MYT1L: variants seen among roughly 807,000 people sequenced by gnomAD.
MYT1L encodes myelin transcription factor 1-like protein.
MYT1L carries 12 observed loss-of-function variants against 126.7 expected under a neutral mutation model. The observed-to-expected ratio is 0.09, with a 90% CI of 0.06 to 0.15. MYT1L has a LOEUF of 0.15. Among genes scored for constraint, MYT1L ranks in the 10% least tolerant of loss-of-function variants. The pLI, the probability that MYT1L is intolerant of heterozygous loss-of-function variation, is 1.00. For synonymous variants in MYT1L, 541 were observed against 604.2 expected (o/e 0.90, Z 1.53); for missense variants, 979 against 1,585.2 (o/e 0.62, Z 6.49).
intron 21 of MYT1L, chr2:1,827,651 C>T (rs2039540636): frequency 6.6e-6 from 1 of 152,196 alleles, no homozygotes; most frequent in African/African-American, 2.4e-5. Flanking sequence ...AATTTGGAAT[C>T]ATCATCAGAG....
In MYT1L at chr2:2,068,784, T is replaced by G. The variant is rs1352345129; in HGVS notation, c.-303-14661A>C. ...TGTTCTTCTTGTTTTTTTTTTTTTT[T>G]TTTTTTTTTTTTTTCATATGTATAA... is the stretch of plus-strand genomic sequence containing the variant. On this transcript the variant is annotated intron_variant, in intron 3 of 24. Transcript: ENST00000647738. 9.6e-3 allele frequency among the ~76,000 whole-genome samples: 1,358 copies of G among 141,416 alleles called. 29 individuals are homozygous for G. Among genetic ancestry groups the G allele is most frequent in the African/African-American group, 0.029 (1,123 of 38,346 alleles). 92.8% of individuals were successfully genotyped at this position (141,416 alleles called of 152,430 possible). A position where few individuals can be genotyped will look rare whatever the true frequency, so the allele number is the denominator to read the frequency against.
chr2:2,084,584 G>A (rs1181792567), intron 3 of MYT1L, among the ~76,000 whole-genome samples: 1 of 152,156 alleles, frequency 6.6e-6, no homozygotes, highest in Non-Finnish European at 1.5e-5. Flanking sequence ...CCGAGTCCTG[G>A]CAACAGTCGC....
intron 18 of MYT1L, among the ~76,000 whole-genome samples, chr2:1,863,765 G>T (rs1472523254): frequency 6.6e-6 from 1 of 151,334 alleles, no homozygotes; most frequent in East Asian, 2.0e-4. Context: ...GGGGATATTT[G>T]GGGGGATAGT....
chr2:2,297,018 A>G (rs2095705148), intron 1 of MYT1L, among the ~76,000 whole-genome samples: 1 of 152,142 alleles, frequency 6.6e-6, no homozygotes. Flanking sequence ...TTCGGGGCCA[A>G]TTGGAACCAC....
At chr2:2,182,608 G>A (rs375188472) in intron 2 of MYT1L, among the ~76,000 whole-genome samples, 6 of 152,318 alleles carry the variant, frequency 3.9e-5, no homozygotes, top group African/African-American at 1.4e-4. Context: ...AGGGCTGGAG[G>A]CTTAGAAGCA....
intron 21 of MYT1L, 133 bp from the exon 22 acceptor site, chr2:1,809,300 A>AAAGC: frequency 1.2e-6 from 1 of 801,910 alleles, no homozygotes; most frequent in Non-Finnish European, 2.1e-6. Flanking sequence ...AAAATGAGAA[A>AAAGC]AAGCAAAAAG....
chr2:1,913,579 C>T (rs1477740117), intron 11 of MYT1L, among the ~76,000 whole-genome samples: 1 of 152,126 alleles, frequency 6.6e-6, no homozygotes, highest in Non-Finnish European at 1.5e-5. Flanking sequence ...TCTTCTTTAT[C>T]ATTTGTCCAC....
intron 8 of MYT1L, among the ~76,000 whole-genome samples, chr2:1,966,639 T>C (rs1364821174): frequency 3.0e-4 from 46 of 152,130 alleles, no homozygotes. Flanking sequence ...AGATGTTTTA[T>C]GAAAACTAAA....
chr2:2,085,636 T>C (rs2076277968), intron 3 of MYT1L, among the ~76,000 whole-genome samples: 1 of 152,166 alleles, frequency 6.6e-6, no homozygotes, highest in African/African-American at 2.4e-5. Context: ...ATGAGTCTTA[T>C]TCATAATAGT....
intron 8 of MYT1L, among the ~76,000 whole-genome samples, chr2:1,976,762 A>T (rs1191492295): frequency 6.6e-6 from 1 of 152,262 alleles, no homozygotes; most frequent in Non-Finnish European, 1.5e-5. Context: ...TCTTAAGTTT[A>T]AGAAATTAAA....
Position 1,840,774 on chromosome 2 carries a change from ATCT to A in MYT1L, c.2841_2843del (p.Glu947del). ...GGTGCTCATACCTGATGGGTTCTTG[ATCT>A]TCTTTATCTTCTTTGCTCTGTGCTA... On this transcript the variant is annotated inframe_deletion, in exon 20 of 25. Coordinates refer to ENST00000647738, the MANE Select transcript of MYT1L (RefSeq NM_001303052.2). 3.2e-6 allele frequency: 5 copies of A among 1,550,550 alleles called. No individual in the cohort carries two copies. Among genetic ancestry groups the A allele is most frequent in the Non-Finnish European group, 4.4e-6 (5 of 1,146,848 alleles).
intron 4 of MYT1L, among the ~76,000 whole-genome samples, chr2:2,037,290 G>A (rs1029650325): frequency 1.4e-4 from 22 of 152,258 alleles, no homozygotes; most frequent in Non-Finnish European, 1.3e-4. Context: ...AAGTGCCCAC[G>A]TTATTTCCCA....
chr2:2,267,310 C>T (rs977761178), intron 2 of MYT1L, among the ~76,000 whole-genome samples: 5 of 152,186 alleles, frequency 3.3e-5, no homozygotes, highest in African/African-American at 1.2e-4. Context: ...ACAGGGGCCT[C>T]GCCCTCACTT....
intron 21 of MYT1L, among the ~76,000 whole-genome samples, chr2:1,814,802 C>G (rs957529995): frequency 2.6e-5 from 4 of 152,072 alleles, no homozygotes; most frequent in African/African-American, 9.7e-5. Flanking sequence ...CACCCATGAA[C>G]GAACAGCTCC....
At chr2:2,318,924 C>T (rs866265018) in intron 1 of MYT1L, among the ~76,000 whole-genome samples, 20 of 152,166 alleles carry the variant, frequency 1.3e-4, no homozygotes, top group Admixed American at 2.0e-4. Context: ...CCTAACTTGT[C>T]TTTTACAGGG....
intron 2 of MYT1L, among the ~76,000 whole-genome samples, chr2:2,189,999 C>A (rs1159067574): frequency 6.6e-6 from 1 of 152,200 alleles, no homozygotes; most frequent in Non-Finnish European, 1.5e-5. Flanking sequence ...TTCCTCAGGG[C>A]CACTGCACAG....
chr2:1,834,704 G>A (rs2040595223), intron 21 of MYT1L, among the ~76,000 whole-genome samples: 1 of 152,236 alleles, frequency 6.6e-6, no homozygotes, highest in South Asian at 2.1e-4. Flanking sequence ...GTGTTGAATG[G>A]AGACAGTGTT....
At chr2:2,315,156 C>G (rs1251737131) in intron 1 of MYT1L, among the ~76,000 whole-genome samples, 1 of 152,104 alleles carries the variant, frequency 6.6e-6, no homozygotes, top group Non-Finnish European at 1.5e-5. Context: ...TCCCTGAAAA[C>G]TTTTGGGGGA....
chr2:2,246,637 A>G (rs1408163202), intron 2 of MYT1L, among the ~76,000 whole-genome samples: 2 of 152,176 alleles, frequency 1.3e-5, no homozygotes, highest in African/African-American at 4.8e-5. Flanking sequence ...TTGTGCTGTT[A>G]TTTTTATATA....
Sources: allele counts gnomAD v4.1 joint callset (sites outside exome capture counted in the v4.1 genomes callset), GRCh38; gene constraint gnomAD v4.1.1; transcripts MANE v1.5; gene names NCBI Gene and HGNC (gene_info 2026-07-23, HGNC 2026-07-21).